The following ERGIC1 variants were observed in gnomAD, a reference collection of about 807,000 sequenced individuals.
The protein encoded by ERGIC1 is endoplasmic reticulum-Golgi intermediate compartment protein 1.
In ERGIC1, 19 loss-of-function variants were observed where a neutral mutation model predicts 38.3. That is an observed-to-expected ratio of 0.50 (90% CI 0.35 to 0.73). The LOEUF (loss-of-function observed/expected upper bound fraction) is 0.73. ERGIC1 is among the 30% of genes least tolerant of loss of function. ERGIC1 has a pLI of 0.01. For synonymous variants in ERGIC1, 124 were observed against 157.6 expected, an observed-to-expected ratio of 0.79 and a Z score of 1.60; for missense variants, 294 against 389.2, an observed-to-expected ratio of 0.76 and a Z score of 2.06.
chr5:172,920,463 C>A (rs142740491), intron 5 of ERGIC1: 4 of 717,572 alleles, frequency 5.6e-6, no homozygotes, highest in Non-Finnish European at 1.0e-5. Flanking sequence ...CAGCCAGCCC[C>A]GCAGGAGGAG....
At chr5:172,939,030 T>G (rs1354519554) in intron 9 of ERGIC1, among the ~76,000 whole-genome samples, 1 of 151,706 alleles carries the variant, frequency 6.6e-6, no homozygotes, top group Non-Finnish European at 1.5e-5. Context: ...GCCACTGCAC[T>G]CGGGTCTGGG....
chr5:172,857,513 CTT>C (rs1327663089), intron 1 of ERGIC1, among the ~76,000 whole-genome samples: 11 of 152,116 alleles, frequency 7.2e-5, no homozygotes, highest in African/African-American at 2.4e-4. Flanking sequence ...CCTTTGCTGG[CTT>C]TGGGACCTTG....
intron 9 of ERGIC1, among the ~76,000 whole-genome samples, chr5:172,944,270 G>A (rs551864758): frequency 6.6e-6 from 1 of 152,310 alleles, no homozygotes; most frequent in Admixed American, 6.5e-5. Flanking sequence ...TTGAGGCCTG[G>A]TTGGGAGATA....
intron 2 of ERGIC1, 100 bp downstream of exon 2, chr5:172,888,860 G>C: frequency 8.8e-7 from 1 of 1,140,070 alleles, no homozygotes; most frequent in Non-Finnish European, 1.3e-6. Context: ...AAGAAGGAAA[G>C]ACAGGAGGGA....
At chr5:172,949,757 C>T (rs779569517) in intron 9 of ERGIC1, among the ~76,000 whole-genome samples, 4 of 152,082 alleles carry the variant, frequency 2.6e-5, no homozygotes, top group African/African-American at 4.8e-5. Flanking sequence ...CCCCAAATGT[C>T]AATGGTGCCA....
chr5:172,853,543 A>G (rs1712033985), intron 1 of ERGIC1, among the ~76,000 whole-genome samples: 2 of 152,128 alleles, frequency 1.3e-5, no homozygotes, highest in South Asian at 4.1e-4. Context: ...CGAGGCTTAC[A>G]GAGTCAGTCT....
At chr5:172,875,059 G>T (rs866911817) in intron 1 of ERGIC1, among the ~76,000 whole-genome samples, 1 of 152,282 alleles carries the variant, frequency 6.6e-6, no homozygotes, top group Middle Eastern at 3.4e-3. Flanking sequence ...AGGTAGAACG[G>T]TAATTCATTC....
intron 8 of ERGIC1, 138 bp downstream of exon 8, chr5:172,932,674 A>G (rs1763805619): frequency 1.2e-6 from 1 of 809,692 alleles, no homozygotes; most frequent in African/African-American, 1.7e-5. Flanking sequence ...AGCTTGGGCC[A>G]GGCGCTGTCC....
intron 6 of ERGIC1, among the ~76,000 whole-genome samples, chr5:172,925,472 C>T (rs184691135): frequency 6.6e-4 from 100 of 152,258 alleles, no homozygotes; most frequent in African/African-American, 2.3e-3. Flanking sequence ...TTGTTGAGAA[C>T]ATGCAGGTGT....
intron 2 of ERGIC1, among the ~76,000 whole-genome samples, chr5:172,893,916 T>TATATACACAC (rs1420718318): frequency 0.016 from 1,284 of 81,744 alleles, 57 homozygotes; most frequent in Non-Finnish European, 0.025. Context: ...TGTGTGTGTG[T>TATATACACAC]GTGTGTGTGT....
chr5:172,883,368 C>T lies in ERGIC1; in HGVS notation c.21-5331C>T, dbSNP rs150488043. Among the ~76,000 whole-genome samples the T allele has an allele frequency of 4.4e-3, 666 of 152,264 alleles. 5 individuals are homozygous for T. Among genetic ancestry groups the T allele is most frequent in the African/African-American group, 0.015 (635 of 41,544 alleles). On this transcript the variant is annotated intron_variant, in intron 1 of 9. Transcript: ENST00000393784. The stretch of plus-strand genomic sequence containing the variant: ...TGTCCCCTGATGGCCTTTTTCTGAT[C>T]CAGGATCTCATTGGATTTAGTTGTC...
chr5:172,858,425 C>T (rs1352843013), intron 1 of ERGIC1, among the ~76,000 whole-genome samples: 4 of 152,218 alleles, frequency 2.6e-5, no homozygotes, highest in Non-Finnish European at 4.4e-5. Flanking sequence ...TTCCGGGTCT[C>T]GGGCAGTGTC....
At chr5:172,875,780 C>T (rs781133323) in intron 1 of ERGIC1, among the ~76,000 whole-genome samples, 14 of 152,238 alleles carry the variant, frequency 9.2e-5, no homozygotes, top group African/African-American at 2.6e-4. Context: ...TTTGTGGAGA[C>T]GGGATCTCAC....
At chr5:172,903,304 C>T (rs1471255906) in intron 3 of ERGIC1, among the ~76,000 whole-genome samples, 1 of 152,106 alleles carries the variant, frequency 6.6e-6, no homozygotes, top group Non-Finnish European at 1.5e-5. Context: ...ACCCCTGTAC[C>T]CTGCAGGCAC....
Position 172,914,951 on chromosome 5 carries a change from C to G in ERGIC1, c.375+113C>G. ...CTCGACCTGACCCTGACACAGCCCC[C>G]AGCAAGCGAGGGTTCGTGTCCAGCT... On this transcript the variant is annotated intron_variant, in intron 5 of 9. Coordinates refer to ENST00000393784, the MANE Select transcript of ERGIC1 (RefSeq NM_001031711.3). 5 of 1,522,674 alleles carry G rather than the reference C, an allele frequency of 3.3e-6. 1 individual carries two copies. The highest frequency in any genetic ancestry group is 4.5e-6 in the Non-Finnish European group (5 of 1,114,108). The allele number at this position is 1,522,674 out of a possible 1,614,324, so 94.3% of individuals were successfully genotyped here.
chr5:172,884,845 GT>G (rs1381111161), intron 1 of ERGIC1, among the ~76,000 whole-genome samples: 1 of 152,190 alleles, frequency 6.6e-6, no homozygotes, highest in African/African-American at 2.4e-5. Context: ...ATATTTCAGT[GT>G]TTGGGTATAT....
intron 2 of ERGIC1, among the ~76,000 whole-genome samples, chr5:172,896,753 A>C (rs963738899): frequency 2.4e-4 from 37 of 152,370 alleles, no homozygotes; most frequent in Admixed American, 7.8e-4. Flanking sequence ...CCTGGAAGGA[A>C]GCGGGGCCAG....
At chr5:172,928,705 C>G (rs1431828060) in intron 7 of ERGIC1, among the ~76,000 whole-genome samples, 1 of 152,124 alleles carries the variant, frequency 6.6e-6, no homozygotes, top group Non-Finnish European at 1.5e-5. Context: ...CTGGAGGCCA[C>G]TATGGAAGAG....
intron 1 of ERGIC1, among the ~76,000 whole-genome samples, chr5:172,851,048 A>C (rs1380757538): frequency 6.6e-6 from 1 of 151,672 alleles, no homozygotes; most frequent in East Asian, 1.9e-4. Context: ...AAAAATACAA[A>C]AAATTAGCCG....
Sources: gnomAD v4.1 joint callset for allele counts (sites outside exome capture counted in the v4.1 genomes callset) on GRCh38, gnomAD v4.1.1 for gene constraint, MANE v1.5 for transcripts, NCBI Gene and HGNC (gene_info 2026-07-23, HGNC 2026-07-21) for gene names.